Variants in NRG4 observed in about 807,000 individuals in gnomAD.
NRG4 encodes the protein neuregulin 4.
A neutral mutation model predicts 15.0 loss-of-function variants in NRG4; 10 were observed. The observed-to-expected ratio is 0.67, with a 90% confidence interval of 0.41 to 1.13. The LOEUF is 1.13. Among genes scored for constraint, NRG4 ranks in the 50% most tolerant of loss-of-function variants. The probability of loss-of-function intolerance (pLI) is 0.00; values close to 1 mark genes in which losing one functional copy is unlikely to be tolerated. For synonymous variants in NRG4, 41 were observed against 50.1 expected (o/e 0.82, Z 0.77); for missense variants, 139 against 140.2 (o/e 0.99, Z 0.04).
In NRG4 at chr15:75,998,164, C is replaced by T. The variant is rs575419307; in HGVS notation, c.104+11036G>A. On this transcript the variant is annotated intron_variant, in intron 3 of 5. Coordinates refer to ENST00000394907, the MANE Select transcript of NRG4 (RefSeq NM_138573.4). The stretch of plus-strand genomic sequence containing the variant: ...ATTCATTCACTCAACAGATACTTAC[C>T]GAAAACCTACTCTATGCTTGTTCTA... Among the ~76,000 whole-genome samples the T allele has an allele frequency of 3.7e-4, 56 of 152,210 alleles. No individual in the cohort carries two copies. In the South Asian group the frequency reaches 4.8e-3, roughly 13 times the overall value.
At chr15:75,959,122 C>A (rs2032386965) in intron 4 of NRG4, 2 of 414,860 alleles carry the variant, frequency 4.8e-6, no homozygotes, top group East Asian at 8.6e-5. Context: ...GCTAGGACTA[C>A]ATGCATGTGT....
chr15:76,009,232 A>C lies in NRG4; in HGVS notation c.72T>G (p.Tyr24Ter), dbSNP rs773007171. 1.9e-6 allele frequency: 3 copies of C among 1,603,410 alleles called. No homozygotes were observed. The highest frequency in any genetic ancestry group is 2.6e-6 in the Non-Finnish European group (3 of 1,170,844). Residue 24 changes from tyrosine (Y) to a stop codon, truncating the protein, a stop_gained, in exon 3 of 6, where the codon TAT becomes TAG. Coordinates refer to ENST00000394907, the MANE Select transcript of NRG4 (RefSeq NM_138573.4). LOFTEE classifies it high-confidence loss of function. ...KSFCLNGGLC[Y>*]VIPTIPSPFC... Reference sequence around the variant, plus strand: ...ATGGGCTGGGAATAGTAGGTATCACATAACAAAGCCCCCCATTCAGGCAAA... The same window carrying C: ...ATGGGCTGGGAATAGTAGGTATCACCTAACAAAGCCCCCCATTCAGGCAAA...
chr15:75,976,266 G>A (rs1297826214), intron 3 of NRG4, among the ~76,000 whole-genome samples: 2 of 152,052 alleles, frequency 1.3e-5, no homozygotes, highest in African/African-American at 4.8e-5. Context: ...TAGCTTCCTT[G>A]TATTGGGTTA....
intron 5 of NRG4, chr15:75,950,401 C>T (rs112907029): frequency 0.016 from 3,394 of 206,984 alleles, 145 homozygotes; most frequent in African/African-American, 0.075. Flanking sequence ...AAAATCAAAA[C>T]CCTCTGAGCA....
At chr15:76,001,086 A>C (rs992176923) in intron 3 of NRG4, among the ~76,000 whole-genome samples, 5 of 152,134 alleles carry the variant, frequency 3.3e-5, no homozygotes, top group African/African-American at 1.2e-4. Context: ...CCTGGACTCA[A>C]GCAATCCTCC....
intron 3 of NRG4, among the ~76,000 whole-genome samples, chr15:75,989,338 G>T (rs375211282): frequency 6.6e-6 from 1 of 151,864 alleles, no homozygotes; most frequent in Non-Finnish European, 1.5e-5. Context: ...TTCATGTAGC[G>T]TGGCCTACCG....
At chr15:76,018,914 G>A (rs1020715771) in intron 5 of NRG4, among the ~76,000 whole-genome samples, 6 of 152,136 alleles carry the variant, frequency 3.9e-5, no homozygotes, top group Non-Finnish European at 7.4e-5. Context: ...TAAGTGTGCC[G>A]AAGCTGTGCC....
At position 76,036,455 on chromosome 15, in the gene NRG4, A is replaced by G. The variant is rs377476768; in HGVS notation, c.-104-464T>C. ...CTCATAGTTTTTTATATATATAAATATATGTAGTGTAGCTATACAGTATAC... is the reference window on the plus strand; with the variant it reads ...CTCATAGTTTTTTATATATATAAATGTATGTAGTGTAGCTATACAGTATAC... On this transcript the variant is annotated intron_variant, in intron 4 of 8. Transcript: ENST00000563910. Among the ~76,000 whole-genome samples the G allele has an allele frequency of 6.6e-5, 10 of 152,230 alleles. 1 individual carries two copies. The East Asian group carries it at 9.6e-4, about 15-fold the overall frequency.
rs2034572614 is a variant in NRG4, at chr15:76,005,610, C to G, written c.104+3590G>C. The G allele has an allele frequency of 3.1e-5, 8 of 256,890 alleles. No individual in the cohort carries two copies. The South Asian group carries it at 3.5e-4, about 11-fold the overall frequency. The allele number at this position is 256,890 out of a possible 1,614,324, so 15.9% of individuals were successfully genotyped here. A position where few individuals can be genotyped will look rare whatever the true frequency, so the allele number is the denominator to read the frequency against. ...CTGAGAGGCAGGAGAATCACTTGAA[C>G]CTGGGGGGTGGAGGTTACAGTGAGC... On this transcript the variant is annotated intron_variant, in intron 3 of 5. Transcript: ENST00000394907.
rs1378058779 is a variant in NRG4 at position 75,942,102 on chromosome 15, A to G, written c.*1536T>C. The G allele has an allele frequency of 6.6e-6, 1 of 151,996 alleles. No individual in the cohort carries two copies. Among genetic ancestry groups the G allele is most frequent in the Non-Finnish European group, 1.5e-5 (1 of 67,984 alleles). The allele number at this position is 151,996 out of a possible 1,614,324, so 9.4% of individuals were successfully genotyped here. Reference sequence around the variant, plus strand: ...CTACATACTACATGATTTCAAATATATGACATTCTGGAGAAAGCAAAGTTA... The same window carrying G: ...CTACATACTACATGATTTCAAATATGTGACATTCTGGAGAAAGCAAAGTTA... On this transcript the variant is annotated 3_prime_UTR_variant, in exon 6 of 6. Coordinates refer to ENST00000394907, the MANE Select transcript of NRG4 (RefSeq NM_138573.4).
At chr15:76,015,914 A>G (rs1191694289), upstream of NRG4, among the ~76,000 whole-genome samples, 1 of 152,212 alleles carries the variant, frequency 6.6e-6, no homozygotes, top group Non-Finnish European at 1.5e-5. Context: ...TAGTTTCAAA[A>G]GGAATGGTAC....
At chr15:75,947,505 A>C (rs2031603513) in intron 5 of NRG4, among the ~76,000 whole-genome samples, 1 of 152,198 alleles carries the variant, frequency 6.6e-6, no homozygotes, top group African/African-American at 2.4e-5. Context: ...TAATATTGCT[A>C]TATGCTGCAT....
chr15:75,941,674 A>G lies in NRG4; in HGVS notation c.*1964T>C, dbSNP rs1238548292. 6.6e-6 allele frequency: 1 copy of G among 152,196 alleles called. No homozygotes were observed. The highest frequency in any genetic ancestry group is 2.4e-5 in the African/African-American group (1 of 41,444). 9.4% of individuals were successfully genotyped at this position (152,196 alleles called of 1,614,324 possible). A position where few individuals can be genotyped will look rare whatever the true frequency, so the allele number is the denominator to read the frequency against. ...ATCACAAAAGGACAATACTATATGA[A>G]TCCACTGATGTGAGGTACCTAGACT... On this transcript the variant is annotated 3_prime_UTR_variant, in exon 6 of 6. Transcript: ENST00000394907.
At chr15:75,954,257 G>GT (rs1187593690) in intron 5 of NRG4, among the ~76,000 whole-genome samples, 8 of 140,120 alleles carry the variant, frequency 5.7e-5, no homozygotes, top group African/African-American at 1.9e-4. Flanking sequence ...TCCAGTTTTT[G>GT]TTTTTTTGTT....
intron 4 of NRG4, chr15:75,959,150 TAA>T: frequency 7.3e-5 from 27 of 372,370 alleles, no homozygotes; most frequent in East Asian, 2.8e-4. Flanking sequence ...CCTGGATAAT[TAA>T]AAAAAAAAAT....
At chr15:76,023,440 AT>A (rs960936367) in intron 5 of NRG4, among the ~76,000 whole-genome samples, 1 of 152,132 alleles carries the variant, frequency 6.6e-6, no homozygotes, top group Non-Finnish European at 1.5e-5. Flanking sequence ...ATCAGCTCCT[AT>A]TGCCACTGCA....
At chr15:76,021,302 AG>A (rs745949444) in intron 5 of NRG4, among the ~76,000 whole-genome samples, 7 of 152,238 alleles carry the variant, frequency 4.6e-5, no homozygotes, top group African/African-American at 7.2e-5. Context: ...CAACTCACTG[AG>A]GGCTCAGATG....
chr15:75,952,912 ATG>A (rs2031995864), intron 5 of NRG4, among the ~76,000 whole-genome samples: 1 of 152,192 alleles, frequency 6.6e-6, no homozygotes, highest in Non-Finnish European at 1.5e-5. Context: ...TTCAGATCAT[ATG>A]TATAAGTCTC....
chr15:76,055,449 C>A lies in NRG4; in HGVS notation c.-262+1505G>T, dbSNP rs1419937089. ...CTTCATCCTTAAAATCACTGTGCTACCATTGTTTACAAAGAATCTACTGTT... is the reference window on the plus strand; with the variant it reads ...CTTCATCCTTAAAATCACTGTGCTAACATTGTTTACAAAGAATCTACTGTT... On this transcript the variant is annotated intron_variant, in intron 2 of 8. Coordinates refer to the NRG4 transcript ENST00000563910. Among the ~76,000 whole-genome samples the A allele has an allele frequency of 2.6e-5, 4 of 152,162 alleles. No individual in the cohort carries two copies. In the East Asian group the frequency reaches 7.7e-4, roughly 29 times the overall value.
Sources: gnomAD v4.1 joint callset for allele counts (sites outside exome capture counted in the v4.1 genomes callset) on GRCh38, gnomAD v4.1.1 for gene constraint, MANE v1.5 for transcripts, NCBI Gene and HGNC (gene_info 2026-07-23, HGNC 2026-07-21) for gene names.